KDM3B: variants seen among roughly 807,000 people sequenced by gnomAD.
KDM3B encodes lysine-specific demethylase 3B.
A neutral mutation model predicts 170.0 loss-of-function variants in KDM3B; 10 were observed. The observed-to-expected ratio is 0.06, with a 90% CI of 0.04 to 0.10. The LOEUF is 0.10. KDM3B is among the 10% of genes least tolerant of loss of function. KDM3B has a pLI of 1.00. For missense variants in KDM3B, 1,394 were observed against 2,195.2 expected (o/e 0.64, Z 7.29); for synonymous variants, 831 against 834.8 (o/e 1.00, Z 0.08).
intron 11 of KDM3B, among the ~76,000 whole-genome samples, chr5:138,408,330 T>A (rs1346082038): frequency 6.6e-6 from 1 of 151,612 alleles, no homozygotes; most frequent in Non-Finnish European, 1.5e-5. Flanking sequence ...CTGTTTTACT[T>A]TCTCTTTCTT....
At chr5:138,398,626 T>C (rs940144712) in intron 10 of KDM3B, among the ~76,000 whole-genome samples, 14 of 152,126 alleles carry the variant, frequency 9.2e-5, no homozygotes, top group African/African-American at 3.4e-4. Context: ...TGCTTGCCTT[T>C]GTTTTTGTAG....
intron 1 of KDM3B, among the ~76,000 whole-genome samples, chr5:138,357,001 C>A (rs1014012079): frequency 6.7e-6 from 1 of 149,946 alleles, no homozygotes; most frequent in Non-Finnish European, 1.5e-5. Context: ...TTTATGTTAT[C>A]AGAATTATCG....
Position 138,391,637 on chromosome 5 carries a change from A to G in KDM3B, c.2005A>G (p.Lys669Glu), listed in dbSNP as rs1762432318. The G allele has an allele frequency of 1.9e-6, 3 of 1,613,958 alleles. No homozygotes were observed. Among genetic ancestry groups the G allele is most frequent in the Non-Finnish European group, 2.5e-6 (3 of 1,180,020 alleles). ...CTCTTCTGCTACCACTGTCACCTCC[A>G]AGGTGGCACCCAGCTGGCCCGAGTC... ...SSSSATTVTS[K>E]VAPSWPESHS... is the part of the protein sequence containing the mutation. The change falls in exon 8 of 24, where the codon AAG becomes GAG. Residue 669 changes from lysine (K) to glutamate (E), a missense_variant. By Grantham distance (56) the Lys-to-Glu change is moderately conservative. Coordinates refer to ENST00000314358, the MANE Select transcript of KDM3B (RefSeq NM_016604.4). This position sits in a 1 kb window ranked among gnomAD's most constrained non-coding sequence, Gnocchi z 5.0.
Position 138,431,482 on chromosome 5 carries a change from G to T in KDM3B, c.5128G>T (p.Val1710Leu). ...VAEDFVSPEH[V>L]KHCFRLTQEF... ...AGAAGACTTTGTATCTCCAGAACAT[G>T]TAAAGCACTGTTTCCGCCTGACTCA... The change falls in exon 23 of 24, where the codon GTA (valine) becomes TTA (leucine). Residue 1710 changes from valine (V) to leucine (L), a missense_variant. Physicochemically the swap from Val to Leu is conservative, Grantham distance 32. Coordinates refer to ENST00000314358, the MANE Select transcript of KDM3B (RefSeq NM_016604.4). The T allele has an allele frequency of 1.2e-6, 2 of 1,612,598 alleles. No homozygotes were observed. The highest frequency in any genetic ancestry group is 8.5e-7 in the Non-Finnish European group (1 of 1,179,418).
intron 10 of KDM3B, among the ~76,000 whole-genome samples, chr5:138,398,951 C>T (rs933253611): frequency 3.4e-5 from 5 of 145,538 alleles, no homozygotes; most frequent in South Asian, 4.4e-4. Context: ...TGCAGTGGCA[C>T]AATCTCGGCT....
At chr5:138,373,661 T>A (rs1761929108) in intron 2 of KDM3B, among the ~76,000 whole-genome samples, 1 of 152,024 alleles carries the variant, frequency 6.6e-6, no homozygotes, top group Non-Finnish European at 1.5e-5. Context: ...TTTTTGTATT[T>A]TTTTGTAGGG....
intron 11 of KDM3B, among the ~76,000 whole-genome samples, chr5:138,400,354 G>T (rs1307997086): frequency 1.3e-5 from 2 of 151,896 alleles, no homozygotes; most frequent in African/African-American, 4.8e-5. Flanking sequence ...CGACCTCTCA[G>T]AGTGCTGGGA....
chr5:138,389,975 T>C (rs559784860), intron 7 of KDM3B, among the ~76,000 whole-genome samples: 3 of 152,256 alleles, frequency 2.0e-5, no homozygotes, highest in African/African-American at 7.2e-5. Flanking sequence ...TTCTCCTGCC[T>C]CAGCCTTCCG....
intron 9 of KDM3B, among the ~76,000 whole-genome samples, chr5:138,395,539 G>A (rs1488271447): frequency 6.6e-6 from 1 of 152,228 alleles, no homozygotes; most frequent in Non-Finnish European, 1.5e-5. Flanking sequence ...AAGGTTGAAG[G>A]ATCACTTGAG....
Position 138,386,261 on chromosome 5 carries a change from G to A in KDM3B, c.1020G>A (p.Lys340=). The A allele has an allele frequency of 6.2e-7, 1 of 1,614,196 alleles. No homozygotes were observed. Residue 340 remains lysine (K), a synonymous_variant, in exon 7 of 24, where the codon AAG becomes AAA. Coordinates refer to ENST00000314358, the MANE Select transcript of KDM3B (RefSeq NM_016604.4). ...SGEPGLDQRA[K]QPPSTFVPQI... is the part of the protein sequence containing the mutation. ...AGCCAGGGCTGGATCAGAGAGCCAA[G>A]CAGCCACCGTCTACATTTGTCCCCC...
At chr5:138,404,159 CAAG>C (rs1362906026) in intron 11 of KDM3B, among the ~76,000 whole-genome samples, 1 of 152,058 alleles carries the variant, frequency 6.6e-6, no homozygotes, top group African/African-American at 2.4e-5. Flanking sequence ...ACCAAACATA[CAAG>C]TAGAGTTTCA....
intron 20 of KDM3B, among the ~76,000 whole-genome samples, chr5:138,428,350 T>A (rs1763447945): frequency 6.6e-6 from 1 of 152,128 alleles, no homozygotes; most frequent in South Asian, 2.1e-4. Flanking sequence ...TAGCTGGGAT[T>A]ACAGGTGCCT....
intron 1 of KDM3B, among the ~76,000 whole-genome samples, chr5:138,363,583 GTC>G (rs752408130): frequency 6.6e-6 from 1 of 152,106 alleles, no homozygotes; most frequent in South Asian, 2.1e-4. Flanking sequence ...GTCTCGCTCT[GTC>G]TCTCAGTCTG....
At chr5:138,374,998 A>C in intron 2 of KDM3B, 95 bp from the exon 3 acceptor site, 1 of 745,604 alleles carries the variant, frequency 1.3e-6, no homozygotes, top group Admixed American at 1.9e-5. Context: ...GGGATGAAAG[A>C]TATAATAATT....
rs539285379 is a variant in KDM3B, at chr5:138,353,531, C to G, written c.192+544C>G. On this transcript the variant is annotated intron_variant, in intron 1 of 23. Transcript: ENST00000314358. Reference sequence around the variant, plus strand: ...GTTACTTCCTCATCTGAGCTGGGCTCGGCCTGGCGGTCTCCAGAAAGGCCA... The same window carrying G: ...GTTACTTCCTCATCTGAGCTGGGCTGGGCCTGGCGGTCTCCAGAAAGGCCA... 1.2e-3 allele frequency among the ~76,000 whole-genome samples: 185 copies of G among 152,120 alleles called. 1 individual carries two copies. Among genetic ancestry groups the G allele is most frequent in the Non-Finnish European group, 2.0e-3 (133 of 68,004 alleles).
intron 2 of KDM3B, among the ~76,000 whole-genome samples, chr5:138,374,804 C>T (rs980443384): frequency 6.6e-6 from 1 of 152,146 alleles, no homozygotes; most frequent in African/African-American, 2.4e-5. Flanking sequence ...CCCTTGAAGC[C>T]TAATAAGATT....
intron 10 of KDM3B, 23 bp from the exon 11 acceptor site, chr5:138,399,837 A>G (rs1048021459): frequency 1.2e-6 from 2 of 1,608,184 alleles, no homozygotes; most frequent in East Asian, 2.2e-5. Context: ...ATCAATGCCA[A>G]TTCTGTTTCC....
intron 11 of KDM3B, among the ~76,000 whole-genome samples, chr5:138,404,599 C>G (rs1762769380): frequency 6.6e-6 from 1 of 150,982 alleles, no homozygotes; most frequent in Non-Finnish European, 1.5e-5. Flanking sequence ...TGCACTTCAG[C>G]CTGGGCAGCA....
At chr5:138,379,946 A>G (rs1036878839) in intron 5 of KDM3B, among the ~76,000 whole-genome samples, 1 of 152,186 alleles carries the variant, frequency 6.6e-6, no homozygotes, top group Non-Finnish European at 1.5e-5. Flanking sequence ...TTGGGTCCTG[A>G]GATAAAGTAT....
Sources: allele counts gnomAD v4.1 joint callset (sites outside exome capture counted in the v4.1 genomes callset), GRCh38; gene constraint gnomAD v4.1.1; non-coding constraint Gnocchi (gnomAD v3.1); transcripts MANE v1.5; gene names NCBI Gene and HGNC (gene_info 2026-07-23, HGNC 2026-07-21).